The following TNN variants were observed in gnomAD, a reference collection of about 807,000 sequenced individuals.
The protein encoded by TNN is tenascin N, also known as tenascin-N.
TNN carries 122 observed loss-of-function variants against 134.4 expected under a neutral mutation model. The observed-to-expected ratio is 0.91, with a 90% CI of 0.78 to 1.06. The LOEUF is 1.06. Among genes scored for constraint, TNN ranks in the 50% least tolerant of loss-of-function variants. TNN has a pLI of 0.00. For synonymous variants in TNN, 710 were observed against 670.3 expected, an observed-to-expected ratio of 1.06 and a Z score of -0.91; for missense variants, 1,739 against 1,699.4, an observed-to-expected ratio of 1.02 and a Z score of -0.41.
rs191655692 is a variant in TNN at position 175,144,387 on chromosome 1, G to A, written c.3596G>A (p.Gly1199Glu). The change falls in exon 18 of 19, where the codon GGG (glycine) becomes GAG (glutamate). Residue 1199 changes from glycine (G) to glutamate (E), a missense_variant and splice_region_variant. By Grantham distance (98) the Gly-to-Glu change is moderately conservative (BLOSUM62 -2). Transcript: ENST00000239462. ...CGCCTCCGTCTCTTCTCTCCTGCAG[G>A]GGATGCTCTTACTTACCACAATGGA... ...LTVGKYRGTA[G>E]DALTYHNGWK... 1 of 1,613,802 alleles carries A rather than the reference G, an allele frequency of 6.2e-7. No homozygotes were observed. Among genetic ancestry groups the A allele is most frequent in the East Asian group, 2.2e-5 (1 of 44,854 alleles).
chr1:175,095,731 G>A (rs556962044), intron 7 of TNN, among the ~76,000 whole-genome samples: 2 of 152,196 alleles, frequency 1.3e-5, no homozygotes, highest in South Asian at 4.2e-4. Context: ...CCGCCACCAC[G>A]CCCAGCTAAT....
At chr1:175,072,014 C>T (rs1308513520) in intron 1 of TNN, among the ~76,000 whole-genome samples, 3 of 152,150 alleles carry the variant, frequency 2.0e-5, no homozygotes, top group African/African-American at 7.2e-5. Flanking sequence ...GGGCTAGAAA[C>T]ACGCATACAG....
intron 1 of TNN, among the ~76,000 whole-genome samples, chr1:175,074,609 C>T (rs1000210190): frequency 3.3e-5 from 5 of 151,980 alleles, no homozygotes; most frequent in African/African-American, 1.2e-4. Context: ...GAGTCCAGTG[C>T]CTGAAATGCA....
Position 175,118,621 on chromosome 1 carries a change from C to G in TNN, c.2447C>G (p.Ser816Cys). Residue 816 changes from serine to cysteine, a missense_variant, in exon 11 of 19, where the codon TCC becomes TGC. Coordinates refer to ENST00000239462, the MANE Select transcript of TNN (RefSeq NM_022093.2). ...GTGACAGAGAATACAGCCACTGTCT[C>G]CTGGGACCCGGTGCAGGCCACCATT... ...DWVTENTATVSWDPVQATIDR... is the reference protein window; with the variant it reads ...DWVTENTATVCWDPVQATIDR... 6.2e-7 allele frequency: 1 copy of G among 1,614,172 alleles called. No homozygotes were observed. The highest frequency in any genetic ancestry group is 8.5e-7 in the Non-Finnish European group (1 of 1,180,034).
At chr1:175,130,006 A>G (rs1047669319) in intron 15 of TNN, among the ~76,000 whole-genome samples, 1 of 152,198 alleles carries the variant, frequency 6.6e-6, no homozygotes, top group African/African-American at 2.4e-5. Flanking sequence ...CCTAAACCAC[A>G]TGGCAGCTTC....
At position 175,146,933 on chromosome 1, in the gene TNN, G is replaced by C. The variant is rs773514744; in HGVS notation, c.3762G>C (p.Gly1254=). Residue 1254 remains glycine, a splice_region_variant and synonymous_variant, in exon 19 of 19, where the codon GGG becomes GGC. Coordinates refer to ENST00000239462, the MANE Select transcript of TNN (RefSeq NM_022093.2). ...GRYGETKHSE[G]VNWEPWKGHE... ...GGCTTTTTTTTTTTTTTTGGTAGGG[G>C]GTGAACTGGGAGCCTTGGAAAGGAC... The C allele has an allele frequency of 6.6e-7, 1 of 1,520,166 alleles. No homozygotes were observed. Among genetic ancestry groups the C allele is most frequent in the Admixed American group, 2.1e-5 (1 of 47,136 alleles). 94.2% of individuals were successfully genotyped at this position (1,520,166 alleles called of 1,614,324 possible).
chr1:175,136,302 G>A lies in TNN; in HGVS notation c.3427+361G>A, dbSNP rs906366348. On this transcript the variant is annotated intron_variant, in intron 16 of 18. Coordinates refer to ENST00000239462, the MANE Select transcript of TNN (RefSeq NM_022093.2). ...CTCTAAAATTCTGTTCGTGATGCCA[G>A]GCATTATGAGCAATTTTTTCCCCCT... 9.2e-5 allele frequency among the ~76,000 whole-genome samples: 14 copies of A among 152,262 alleles called. No individual in the cohort carries two copies. The South Asian group carries it at 1.0e-3, about 11-fold the overall frequency.
intron 1 of TNN, among the ~76,000 whole-genome samples, chr1:175,069,455 T>A (rs1349476900): frequency 1.3e-5 from 2 of 152,300 alleles, no homozygotes; most frequent in East Asian, 3.9e-4. Flanking sequence ...ATAGAACAAA[T>A]GATTTCAAAT....
intron 6 of TNN, among the ~76,000 whole-genome samples, chr1:175,092,167 T>C (rs1376824894): frequency 1.3e-5 from 2 of 152,224 alleles, no homozygotes; most frequent in African/African-American, 4.8e-5. Flanking sequence ...GATTGAGATA[T>C]TGGTTTTGGA....
At chr1:175,085,938 G>A (rs1674318220) in intron 6 of TNN, among the ~76,000 whole-genome samples, 1 of 149,700 alleles carries the variant, frequency 6.7e-6, no homozygotes, top group Non-Finnish European at 1.5e-5. Context: ...ATCCCTTTAT[G>A]TACTGATGTC....
intron 6 of TNN, 37 bp from the exon 7 acceptor site, chr1:175,093,953 T>G (rs200358753): frequency 1.3e-6 from 2 of 1,568,568 alleles, no homozygotes; most frequent in Non-Finnish European, 1.7e-6. Context: ...AACCAACTGG[T>G]TTCTCTGATT....
At chr1:175,071,961 A>G (rs1429516183) in intron 1 of TNN, among the ~76,000 whole-genome samples, 1 of 152,178 alleles carries the variant, frequency 6.6e-6, no homozygotes, top group Non-Finnish European at 1.5e-5. Context: ...GGATCAACAC[A>G]GTCATGGCCC....
chr1:175,128,583 C>G lies in TNN; in HGVS notation c.3179-12C>G. 3 of 1,607,294 alleles carry G rather than the reference C, an allele frequency of 1.9e-6. No individual in the cohort carries two copies. The highest frequency in any genetic ancestry group is 2.5e-6 in the Non-Finnish European group (3 of 1,176,540). ...CCTTGTCCTAACAACACTCTCTCTGCTTGGCTCCCAGTTGGTGCCCGTTTC... is the reference window on the plus strand; with the variant it reads ...CCTTGTCCTAACAACACTCTCTCTGGTTGGCTCCCAGTTGGTGCCCGTTTC... On this transcript the variant is annotated splice_polypyrimidine_tract_variant and intron_variant, in intron 14 of 18. Transcript: ENST00000239462.
At position 175,126,884 on chromosome 1, in the gene TNN, C is replaced by T. The variant is rs57312592; in HGVS notation, c.2915-71C>T. The T allele has an allele frequency of 8.2e-4, 1,242 of 1,513,320 alleles. 11 individuals carry two copies. The African/African-American group carries it at 0.015, about 19-fold the overall frequency. 93.7% of individuals were successfully genotyped at this position (1,513,320 alleles called of 1,614,324 possible). ...GGGTTTGAAAAGGGGAAAATATAAA[C>T]TGATGTCTCAAAAATTACCTTGCCT... is the stretch of plus-strand genomic sequence containing the variant. On this transcript the variant is annotated intron_variant, in intron 12 of 18. Transcript: ENST00000239462.
At chr1:175,085,945 T>C (rs1485043024) in intron 6 of TNN, among the ~76,000 whole-genome samples, 2 of 151,724 alleles carry the variant, frequency 1.3e-5, no homozygotes, top group African/African-American at 4.8e-5. Flanking sequence ...TATGTACTGA[T>C]GTCTATTTTT....
At chr1:175,127,159 C>A (rs1675551054) in intron 13 of TNN, 74 bp downstream of exon 13, 1 of 1,547,374 alleles carries the variant, frequency 6.5e-7, no homozygotes. Context: ...CCAATCAGCT[C>A]ATTTGCTGGC....
chr1:175,085,282 A>G (rs1573759), intron 5 of TNN, 123 bp from the exon 6 acceptor site: 334,340 of 658,258 alleles, frequency 0.51, 87,537 homozygotes, highest in African/African-American at 0.72. Flanking sequence ...ATACAGATTC[A>G]TCTTTGGAGG....
intron 15 of TNN, among the ~76,000 whole-genome samples, chr1:175,131,474 G>C (rs1304464639): frequency 3.9e-5 from 6 of 152,140 alleles, no homozygotes; most frequent in Non-Finnish European, 2.9e-5. Flanking sequence ...TGGTAAGGGG[G>C]TTTTGTGATA....
intron 1 of TNN, among the ~76,000 whole-genome samples, chr1:175,073,897 T>G (rs1673976007): frequency 6.7e-6 from 1 of 150,142 alleles, no homozygotes; most frequent in Non-Finnish European, 1.5e-5. Context: ...GGTGGCACAC[T>G]CCTGCTGAAC....
Sources: allele counts gnomAD v4.1 joint callset (sites outside exome capture counted in the v4.1 genomes callset), GRCh38; gene constraint gnomAD v4.1.1; transcripts MANE v1.5; gene names NCBI Gene and HGNC (gene_info 2026-07-23, HGNC 2026-07-21).